Variants in PLCL2 observed in about 807,000 individuals in gnomAD.
PLCL2 encodes the protein phospholipase C like 2.
PLCL2 carries 4 observed loss-of-function variants against 79.6 expected under a neutral mutation model. That is an observed-to-expected ratio of 0.05 (90% CI 0.02 to 0.11). The LOEUF is 0.11. Among genes scored for constraint, PLCL2 ranks in the 10% least tolerant of loss-of-function variants. PLCL2 has a pLI of 1.00. For missense variants in PLCL2, 895 were observed against 1,291.0 expected (o/e 0.69, Z 4.70); for synonymous variants, 484 against 457.7 (o/e 1.06, Z -0.73).
At chr3:16,888,640 T>C (rs1416095163) in intron 1 of PLCL2, among the ~76,000 whole-genome samples, 3 of 152,224 alleles carry the variant, frequency 2.0e-5, no homozygotes, top group African/African-American at 4.8e-5. Flanking sequence ...TTCAATATAA[T>C]CTATGCTTTA....
At chr3:16,927,856 A>G (rs565519878) in intron 1 of PLCL2, among the ~76,000 whole-genome samples, 1 of 152,338 alleles carries the variant, frequency 6.6e-6, no homozygotes, top group East Asian at 1.9e-4. Context: ...TAAGTTTGGG[A>G]AACCCTTATT....
chr3:17,079,691 G>A lies in PLCL2; in HGVS notation c.3205-10042G>A, dbSNP rs116686837. 2.5e-3 allele frequency among the ~76,000 whole-genome samples: 379 copies of A among 152,284 alleles called. 2 individuals carry two copies. Among genetic ancestry groups the A allele is most frequent in the African/African-American group, 8.6e-3 (358 of 41,570 alleles). ...ACCCTCCGTCTTTGGTGAAGGAAAA[G>A]TAAAATTGTTTCTAAGGATGAAGGC... On this transcript the variant is annotated intron_variant, in intron 5 of 5. Transcript: ENST00000615277.
chr3:16,954,488 C>T (rs1208918014), intron 1 of PLCL2, among the ~76,000 whole-genome samples: 2 of 152,068 alleles, frequency 1.3e-5, no homozygotes, highest in African/African-American at 4.8e-5. Context: ...AATAAACATA[C>T]GTGTGCATGT....
At chr3:17,022,154 A>G (rs997548344) in intron 3 of PLCL2, among the ~76,000 whole-genome samples, 1 of 152,212 alleles carries the variant, frequency 6.6e-6, no homozygotes, top group Non-Finnish European at 1.5e-5. Flanking sequence ...AGTTCCCTGA[A>G]TCTGGTAGAA....
chr3:17,016,728 TCTTGA>T (rs1299621594), intron 3 of PLCL2, among the ~76,000 whole-genome samples: 6 of 152,088 alleles, frequency 3.9e-5, no homozygotes, highest in Non-Finnish European at 8.8e-5. Flanking sequence ...CCTAAATAGT[TCTTGA>T]CTTAAGTTTT....
At chr3:17,045,106 G>A (rs1328175255) in intron 4 of PLCL2, among the ~76,000 whole-genome samples, 1 of 152,110 alleles carries the variant, frequency 6.6e-6, no homozygotes, top group African/African-American at 2.4e-5. Flanking sequence ...ATTATGGTAA[G>A]GACATATAGT....
At chr3:17,087,437 C>T (rs74283406) in intron 5 of PLCL2, among the ~76,000 whole-genome samples, 2,621 of 152,216 alleles carry the variant, frequency 0.017, 50 homozygotes, top group East Asian at 0.047. Context: ...TCCAACTAGA[C>T]GACATTGTTG....
chr3:16,959,205 T>G (rs992475344), intron 1 of PLCL2, among the ~76,000 whole-genome samples: 12 of 152,180 alleles, frequency 7.9e-5, no homozygotes, highest in African/African-American at 2.4e-4. Context: ...TGTTGTAATA[T>G]CATGTGCCTC....
chr3:17,030,602 A>G (rs2064569766), intron 3 of PLCL2, among the ~76,000 whole-genome samples: 1 of 152,202 alleles, frequency 6.6e-6, no homozygotes, highest in Non-Finnish European at 1.5e-5. Context: ...ATACCAGAAC[A>G]TGTGAGTTAT....
intron 1 of PLCL2, among the ~76,000 whole-genome samples, chr3:16,985,063 G>A (rs2064035177): frequency 6.6e-6 from 1 of 152,120 alleles, no homozygotes; most frequent in African/African-American, 2.4e-5. Context: ...CTGGGCATAG[G>A]ATTGTTATCA....
intron 4 of PLCL2, among the ~76,000 whole-genome samples, chr3:17,048,710 A>T (rs2064807780): frequency 6.6e-6 from 1 of 152,230 alleles, no homozygotes; most frequent in South Asian, 2.1e-4. Flanking sequence ...GTATCTGCTT[A>T]AAACGCTGTG....
At chr3:16,912,593 T>C (rs1018307261) in intron 1 of PLCL2, among the ~76,000 whole-genome samples, 37 of 152,212 alleles carry the variant, frequency 2.4e-4, no homozygotes, top group African/African-American at 8.9e-4. Context: ...TGAGACTGAT[T>C]CAGTTGTGCA....
chr3:16,987,622 T>C (rs1375644220), intron 1 of PLCL2, among the ~76,000 whole-genome samples: 3 of 152,084 alleles, frequency 2.0e-5, no homozygotes, highest in African/African-American at 7.2e-5. Flanking sequence ...AAACTGACAC[T>C]AAATAAGATT....
chr3:17,025,445 G>A (rs1389769465), intron 3 of PLCL2, among the ~76,000 whole-genome samples: 1 of 152,200 alleles, frequency 6.6e-6, no homozygotes, highest in Non-Finnish European at 1.5e-5. Flanking sequence ...TAAGTGCCAT[G>A]ATGAGCTGCT....
chr3:16,929,516 C>A (rs1212293902), intron 1 of PLCL2, among the ~76,000 whole-genome samples: 1 of 152,138 alleles, frequency 6.6e-6, no homozygotes, highest in East Asian at 1.9e-4. Context: ...GAGAAAGCCT[C>A]CCAAATCTAA....
In PLCL2 at chr3:16,984,717, G is replaced by A. The variant is rs138940057; in HGVS notation, c.328-24957G>A. Among the ~76,000 whole-genome samples, 686 of 152,250 alleles carry A rather than the reference G, an allele frequency of 4.5e-3. 2 individuals are homozygous for A. The highest frequency in any genetic ancestry group is 7.2e-3 in the Non-Finnish European group (493 of 68,028). ...GGAGGCCCAGGCAGGCAGATCACGA[G>A]GTCAGGAGATGGAGACCATCCTGGC... On this transcript the variant is annotated intron_variant, in intron 1 of 5. Transcript: ENST00000615277.
chr3:17,047,615 A>T (rs1050110636), intron 4 of PLCL2, among the ~76,000 whole-genome samples: 3 of 152,218 alleles, frequency 2.0e-5, no homozygotes, highest in Non-Finnish European at 4.4e-5. Flanking sequence ...AATCAATTTA[A>T]TGGGAAATTT....
At chr3:16,984,814 C>T (rs2064032493) in intron 1 of PLCL2, among the ~76,000 whole-genome samples, 1 of 151,970 alleles carries the variant, frequency 6.6e-6, no homozygotes. Context: ...CACCTGTAGT[C>T]CCAGCTACTC....
rs111272190 is a variant in PLCL2, at chr3:17,031,994, G to T, written c.3019-10880G>T. On this transcript the variant is annotated intron_variant, in intron 3 of 5. Coordinates refer to ENST00000615277, the MANE Select transcript of PLCL2 (RefSeq NM_001144382.2). ...AATTGTTCAGGACCAGAAACTACAA[G>T]ATCAAATTCAAAACTCCTTCCATTT... 4.2e-3 allele frequency among the ~76,000 whole-genome samples: 531 copies of T among 127,722 alleles called. 6 individuals are homozygous for T. Among genetic ancestry groups the T allele is most frequent in the African/African-American group, 0.015 (501 of 33,542 alleles). The allele number at this position is 127,722 out of a possible 152,430, so 83.8% of individuals were successfully genotyped here.
Sources: allele counts gnomAD v4.1 joint callset (sites outside exome capture counted in the v4.1 genomes callset), GRCh38; gene constraint gnomAD v4.1.1; transcripts MANE v1.5; gene names NCBI Gene and HGNC (gene_info 2026-07-23, HGNC 2026-07-21).